FLT1: variants seen among roughly 807,000 people sequenced by gnomAD.
The protein encoded by FLT1 is vascular endothelial growth factor receptor 1.
A neutral mutation model predicts 156.3 loss-of-function variants in FLT1; 49 were observed. The ratio of observed to expected loss-of-function variants is 0.31; its 90% CI spans 0.25 to 0.40. The LOEUF is 0.40. FLT1 is among the 10% of genes least tolerant of loss of function. The pLI, the probability that FLT1 is intolerant of heterozygous loss-of-function variation, is 1.00. For missense variants in FLT1, 1,322 were observed against 1,637.2 expected, an observed-to-expected ratio of 0.81 and a Z score of 3.32; for synonymous variants, 594 against 583.8, an observed-to-expected ratio of 1.02 and a Z score of -0.25.
chr13:28,400,800 T>C (rs756799364), intron 11 of FLT1, among the ~76,000 whole-genome samples: 4 of 152,256 alleles, frequency 2.6e-5, no homozygotes, highest in Non-Finnish European at 5.9e-5. Flanking sequence ...TCATTTATTC[T>C]ATAAGGTATG....
intron 3 of FLT1, among the ~76,000 whole-genome samples, chr13:28,442,798 A>G (rs1484987049): frequency 6.6e-6 from 1 of 152,124 alleles, no homozygotes; most frequent in African/African-American, 2.4e-5. Context: ...TACTTCAAGG[A>G]AGGGCTAAGA....
chr13:28,399,910 G>C (rs1235025148), intron 11 of FLT1, among the ~76,000 whole-genome samples: 6 of 152,160 alleles, frequency 3.9e-5, no homozygotes, highest in Non-Finnish European at 8.8e-5. Context: ...CACTTTACAG[G>C]AATTGTCTCA....
At chr13:28,445,561 A>G (rs1878570603) in intron 3 of FLT1, among the ~76,000 whole-genome samples, 1 of 152,198 alleles carries the variant, frequency 6.6e-6, no homozygotes, top group South Asian at 2.1e-4. Context: ...ACATTAGATC[A>G]CAGATGAAAT....
intron 14 of FLT1, among the ~76,000 whole-genome samples, chr13:28,379,213 T>C (rs900959302): frequency 6.6e-6 from 1 of 152,102 alleles, no homozygotes; most frequent in Non-Finnish European, 1.5e-5. Context: ...CGTTGTGGCA[T>C]GCACCTGCAA....
At position 28,386,017 on chromosome 13, in the gene FLT1, A is replaced by T. The variant is rs563056035; in HGVS notation, c.1970-986T>A. ...GTCATTCCTTTCCCCTCTTGTTGGA[A>T]ATCCTGGAACAGAAATCAAAAGAGT... is the stretch of plus-strand genomic sequence containing the variant. On this transcript the variant is annotated intron_variant, in intron 13 of 29. Coordinates refer to ENST00000282397, the MANE Select transcript of FLT1 (RefSeq NM_002019.4). 2.9e-6 allele frequency: 3 copies of T among 1,052,418 alleles called. No individual in the cohort carries two copies. In the East Asian group the frequency reaches 1.6e-4, roughly 57 times the overall value. The allele number at this position is 1,052,418 out of a possible 1,614,324, so 65.2% of individuals were successfully genotyped here.
chr13:28,447,387 A>G (rs1416793303), intron 3 of FLT1, among the ~76,000 whole-genome samples: 2 of 151,700 alleles, frequency 1.3e-5, no homozygotes, highest in Admixed American at 6.6e-5. Flanking sequence ...GGGTTTCACT[A>G]TGTTGCCAGG....
chr13:28,300,527 A>ACC lies in FLT1; in HGVS notation c.*2639_*2640insGG, dbSNP rs1555297476. The ACC allele has an allele frequency of 5.7e-3, 142 of 24,714 alleles. No homozygotes were observed. Among genetic ancestry groups the ACC allele is most frequent in the South Asian group, 9.2e-3 (2 of 218 alleles). The allele number at this position is 24,714 out of a possible 1,614,324, so 1.5% of individuals were successfully genotyped here. A position where few individuals can be genotyped will look rare whatever the true frequency, so the allele number is the denominator to read the frequency against. ...GCACAAAACACACATACACCCACAC[A>ACC]CACACACACACACACACACACACAC... On this transcript the variant is annotated 3_prime_UTR_variant, in exon 30 of 30. Transcript: ENST00000282397.
At chr13:28,357,220 C>T (rs1306478843) in intron 15 of FLT1, among the ~76,000 whole-genome samples, 1 of 151,946 alleles carries the variant, frequency 6.6e-6, no homozygotes, top group Non-Finnish European at 1.5e-5. Context: ...TTTTGGACAT[C>T]TCTCTCACAG....
chr13:28,304,795 A>G (rs1870671496), intron 29 of FLT1, among the ~76,000 whole-genome samples: 1 of 152,208 alleles, frequency 6.6e-6, no homozygotes, highest in South Asian at 2.1e-4. Context: ...AATAGGAAAT[A>G]TTTTATGACT....
chr13:28,372,398 C>T (rs185939235), intron 14 of FLT1, among the ~76,000 whole-genome samples: 167 of 149,708 alleles, frequency 1.1e-3, no homozygotes, highest in African/African-American at 3.9e-3. Context: ...ATTTTTAAAG[C>T]CCACATTTGT....
chr13:28,486,872 T>C (rs1019213811), intron 1 of FLT1, among the ~76,000 whole-genome samples: 3 of 152,228 alleles, frequency 2.0e-5, no homozygotes, highest in Non-Finnish European at 2.9e-5. Context: ...GTGCCTCCCA[T>C]GTGGCCAGGC....
rs1877453725 is a variant in FLT1 at position 28,428,060 on chromosome 13, G to A, written c.1107-139C>T. On this transcript the variant is annotated intron_variant, in intron 8 of 29. Transcript: ENST00000282397. ...ATCAGTGTTGATTTTTAAAATGTAG[G>A]CATTAACTTTTGAGTAAAGGCAGAT... is the stretch of plus-strand genomic sequence containing the variant. The A allele has an allele frequency of 4.1e-6, 3 of 723,360 alleles. No individual in the cohort carries two copies. In the African/African-American group the frequency reaches 5.3e-5, roughly 13 times the overall value. 44.8% of individuals were successfully genotyped at this position (723,360 alleles called of 1,614,324 possible). A position where few individuals can be genotyped will look rare whatever the true frequency, so the allele number is the denominator to read the frequency against.
chr13:28,468,603 G>A, intron 1 of FLT1, among the ~76,000 whole-genome samples: 1 of 152,198 alleles, frequency 6.6e-6, no homozygotes, highest in East Asian at 1.9e-4. Flanking sequence ...GGTGGGGCCT[G>A]ATGGGAGGTG....
At chr13:28,488,890 G>A (rs1881323389) in intron 1 of FLT1, among the ~76,000 whole-genome samples, 1 of 152,162 alleles carries the variant, frequency 6.6e-6, no homozygotes, top group Admixed American at 6.5e-5. Context: ...AGCACCCAAG[G>A]ACTTGGGTTT....
chr13:28,433,910 T>C lies in FLT1; in HGVS notation c.722A>G (p.Lys241Arg). Residue 241 changes from lysine to arginine, a missense_variant, in exon 6 of 30, where the codon AAA (lysine) becomes AGA (arginine). By Grantham distance (26) the Lys-to-Arg change is conservative (BLOSUM62 2). Coordinates refer to ENST00000282397, the MANE Select transcript of FLT1 (RefSeq NM_002019.4). ...GACAAGAGTATGGCCTCTAAGTAAT[T>C]TGACTGGGCGTGGTGTGCTTATTTG... ...DVQISTPRPVKLLRGHTLVLN... is the reference protein window; with the variant it reads ...DVQISTPRPVRLLRGHTLVLN... 6.2e-7 allele frequency: 1 copy of C among 1,614,146 alleles called. No individual in the cohort carries two copies.
chr13:28,453,129 T>C (rs113202125), intron 3 of FLT1, among the ~76,000 whole-genome samples: 1,131 of 112,040 alleles, frequency 0.01, 28 homozygotes, highest in African/African-American at 0.018. Flanking sequence ...TTCCTTTCCT[T>C]TCCTTTCCTT....
intron 27 of FLT1, among the ~76,000 whole-genome samples, chr13:28,309,374 G>A (rs942464194): frequency 7.3e-5 from 10 of 137,768 alleles, no homozygotes; most frequent in East Asian, 1.9e-4. Context: ...GAGTGCTAGC[G>A]CCAGGCTTGT....
At position 28,302,335 on chromosome 13, in the gene FLT1, A is replaced by G. The variant is rs1870548789; in HGVS notation, c.*832T>C. Reference sequence around the variant, plus strand: ...GGCTAAGTTTTCAGTGCATCTTACTAGAGGAGCCAAAAGTATGGGCTCAGA... The same window carrying G: ...GGCTAAGTTTTCAGTGCATCTTACTGGAGGAGCCAAAAGTATGGGCTCAGA... On this transcript the variant is annotated 3_prime_UTR_variant, in exon 30 of 30. Coordinates refer to ENST00000282397, the MANE Select transcript of FLT1 (RefSeq NM_002019.4). 4.3e-6 allele frequency: 1 copy of G among 233,222 alleles called. No homozygotes were observed. Among genetic ancestry groups the G allele is most frequent in the Admixed American group, 5.6e-5 (1 of 17,788 alleles). 14.4% of individuals were successfully genotyped at this position (233,222 alleles called of 1,614,324 possible).
chr13:28,384,465 A>AAAAG (rs1173681454), intron 14 of FLT1, among the ~76,000 whole-genome samples: 42 of 151,250 alleles, frequency 2.8e-4, no homozygotes, highest in South Asian at 4.2e-4. Flanking sequence ...AAAAAAAAAA[A>AAAAG]AAAGAAAGAA....
Sources: gnomAD v4.1 joint callset for allele counts (sites outside exome capture counted in the v4.1 genomes callset) on GRCh38, gnomAD v4.1.1 for gene constraint, MANE v1.5 for transcripts, NCBI Gene and HGNC (gene_info 2026-07-23, HGNC 2026-07-21) for gene names.